The following HTT variants were observed in gnomAD, a reference collection of about 807,000 sequenced individuals.
HTT encodes the protein huntingtin, also known as huntington disease protein.
A neutral mutation model predicts 362.3 loss-of-function variants in HTT; 104 were observed. The ratio of observed to expected loss-of-function variants is 0.29; its 90% CI spans 0.24 to 0.34. The LOEUF (loss-of-function observed/expected upper bound fraction) is 0.34, where lower values mean the gene tolerates loss of function less well. HTT is among the 10% of genes least tolerant of loss of function. The probability of loss-of-function intolerance (pLI) is 1.00; values close to 1 mark genes in which losing one functional copy is unlikely to be tolerated. For synonymous variants in HTT, 1,577 were observed against 1,548.7 expected (o/e 1.02, Z -0.43); for missense variants, 3,301 against 3,928.6 (o/e 0.84, Z 4.27).
At chr4:3,232,569 C>T (rs1578614102) in intron 60 of HTT, among the ~76,000 whole-genome samples, 1 of 152,336 alleles carries the variant, frequency 6.6e-6, no homozygotes, top group East Asian at 1.9e-4. Flanking sequence ...TATCAGGGAT[C>T]CCCAAGACTA....
At chr4:3,187,010 C>A (rs1718795625) in intron 38 of HTT, among the ~76,000 whole-genome samples, 1 of 151,636 alleles carries the variant, frequency 6.6e-6, no homozygotes, top group Non-Finnish European at 1.5e-5. Context: ...AAGCGCCCAC[C>A]ACCACGCCCG....
chr4:3,176,866 C>G (rs1159704990), intron 33 of HTT, among the ~76,000 whole-genome samples: 3 of 152,226 alleles, frequency 2.0e-5, no homozygotes, highest in Admixed American at 6.5e-5. Flanking sequence ...AGCTCCCCGT[C>G]AGGTTGGGAA....
intron 12 of HTT, 65 bp downstream of exon 12, chr4:3,127,669 A>C: frequency 8.0e-7 from 1 of 1,255,658 alleles, no homozygotes; most frequent in Non-Finnish European, 1.1e-6. Flanking sequence ...GTCTCACTCC[A>C]TAGTGCAGTG....
intron 60 of HTT, among the ~76,000 whole-genome samples, chr4:3,231,692 G>A (rs1327844020): frequency 6.6e-6 from 1 of 152,094 alleles, no homozygotes; most frequent in Non-Finnish European, 1.5e-5. Flanking sequence ...CCCTGTGTGG[G>A]CATCTCTCTT....
Position 3,082,225 on chromosome 4 carries a change from T to C in HTT, c.264-4714T>C, listed in dbSNP as rs981625090. 3.3e-5 allele frequency among the ~76,000 whole-genome samples: 5 copies of C among 152,234 alleles called. No individual in the cohort carries two copies. In the South Asian group the frequency reaches 1.0e-3, roughly 32 times the overall value. On this transcript the variant is annotated intron_variant, in intron 1 of 66. Transcript: ENST00000355072. Reference sequence around the variant, plus strand: ...GAATTTCTTTTTAAAAGAGGACTTTTGGAGATGTAAAGGCAAAGGTCTCAC... The same window carrying C: ...GAATTTCTTTTTAAAAGAGGACTTTCGGAGATGTAAAGGCAAAGGTCTCAC...
In HTT at chr4:3,204,107, A is replaced by G; in HGVS notation, c.5677A>G (p.Ile1893Val). The change falls in exon 42 of 67, where the codon ATA becomes GTA. Residue 1893 changes from isoleucine to valine, a missense_variant. Ile to Val is a conservative substitution (Grantham distance 29). Transcript: ENST00000355072. ...CAAACTTGGAATGTGCAATAGAGAA[A>G]TAGTACGAAGAGGGGCTCTCATTCT... The part of the protein sequence containing the change: ...AAKLGMCNRE[I>V]VRRGALILFC... The G allele has an allele frequency of 3.1e-6, 5 of 1,614,212 alleles. No homozygotes were observed. Among genetic ancestry groups the G allele is most frequent in the Non-Finnish European group, 4.2e-6 (5 of 1,180,020 alleles).
rs1329243461 is a variant in HTT, at chr4:3,243,601, C to T, written c.*3542C>T. ...TGTGCCTGTCACGCTCTGGTGCAGT[C>T]AAAGGAACGCCTTCCCCTCAGTTGT... On this transcript the variant is annotated 3_prime_UTR_variant, in exon 67 of 67. Coordinates refer to ENST00000355072, the MANE Select transcript of HTT (RefSeq NM_001388492.1). The T allele has an allele frequency of 3.3e-5, 5 of 152,298 alleles. No homozygotes were observed. Among genetic ancestry groups the T allele is most frequent in the African/African-American group, 1.2e-4 (5 of 41,478 alleles). 9.4% of individuals were successfully genotyped at this position (152,298 alleles called of 1,614,324 possible).
In HTT at chr4:3,208,849, G is replaced by C; in HGVS notation, c.6229G>C (p.Val2077Leu). 6.2e-7 allele frequency: 1 copy of C among 1,614,106 alleles called. No homozygotes were observed. Among genetic ancestry groups the C allele is most frequent in the South Asian group, 1.1e-5 (1 of 91,054 alleles). The change falls in exon 46 of 67, where the codon GTC (valine) becomes CTC (leucine). Residue 2077 changes from valine to leucine, a missense_variant. Val to Leu is a conservative substitution (Grantham distance 32). This residue lies in a region of HTT where 2,316 missense variants were observed against 2,658.5 expected (regional missense o/e 0.87). Transcript: ENST00000355072. The stretch of plus-strand genomic sequence containing the variant: ...AGACTCACTTAGTCCCTCTCCTCCA[G>C]TCTCTTCCCACCCGCTGGACGGGGA... ...MQDSLSPSPP[V>L]SSHPLDGDGH...
At chr4:3,217,254 G>A (rs1326848906) in intron 51 of HTT, among the ~76,000 whole-genome samples, 1 of 152,166 alleles carries the variant, frequency 6.6e-6, no homozygotes, top group Non-Finnish European at 1.5e-5. Flanking sequence ...AGGGTGTGAA[G>A]TGTCCACAGC....
At chr4:3,225,792 G>T in intron 57 of HTT, 49 bp downstream of exon 57, 2 of 1,446,726 alleles carry the variant, frequency 1.4e-6, no homozygotes, top group Non-Finnish European at 1.9e-6. Flanking sequence ...TCTGTCCTCA[G>T]ACTTTGGCGC....
At chr4:3,095,941 G>T (rs1322676522) in intron 2 of HTT, among the ~76,000 whole-genome samples, 2 of 152,200 alleles carry the variant, frequency 1.3e-5, no homozygotes, top group African/African-American at 4.8e-5. Context: ...TTTTCAGATT[G>T]AATGGAAAAG....
At chr4:3,088,749 TG>T (rs1713347877) in intron 2 of HTT, among the ~76,000 whole-genome samples, 1 of 152,158 alleles carries the variant, frequency 6.6e-6, no homozygotes. Flanking sequence ...GTTTTTTTTT[TG>T]GTGATCTGCT....
Position 3,136,287 on chromosome 4 carries a change from A to C in HTT, c.2759A>C (p.Asp920Ala). The C allele has an allele frequency of 6.2e-7, 1 of 1,611,582 alleles. No individual in the cohort carries two copies. Among genetic ancestry groups the C allele is most frequent in the Non-Finnish European group, 8.5e-7 (1 of 1,177,880 alleles). Residue 920 changes from aspartate to alanine, a missense_variant, in exon 21 of 67, where the codon GAC (aspartate) becomes GCC (alanine). By Grantham distance (126) the Asp-to-Ala change is moderately radical. Transcript: ENST00000355072. ...GTCATCCATTTGCTTGGAGATGAAG[A>C]CCCCAGGGTGCGACATGTTGCCGCA... ...NVVIHLLGDE[D>A]PRVRHVAAAS...
In HTT at chr4:3,235,636, C is replaced by T; in HGVS notation, c.8643C>T (p.Gly2881=). 6.2e-7 allele frequency: 1 copy of T among 1,613,822 alleles called. No individual in the cohort carries two copies. Among genetic ancestry groups the T allele is most frequent in the Non-Finnish European group, 8.5e-7 (1 of 1,179,970 alleles). Residue 2881 remains glycine (G), a synonymous_variant, in exon 63 of 67, where the codon GGC becomes GGT. Coordinates refer to ENST00000355072, the MANE Select transcript of HTT (RefSeq NM_001388492.1). ...TCATTTACCACTGTGCCCTCAGAGG[C>T]CTGGAGCGCCTCCTGCTCTCTGAGC... ...PSIIYHCALR[G]LERLLLSEQL... is the part of the protein sequence containing the mutation.
At chr4:3,146,977 C>G (rs1387579378) in intron 25 of HTT, 29 bp downstream of exon 25, 2 of 1,612,144 alleles carry the variant, frequency 1.2e-6, no homozygotes, top group South Asian at 2.2e-5. Context: ...AACAGGGACT[C>G]CAGGACTTGG....
chr4:3,074,894 G>T lies in HTT; in HGVS notation c.69G>T (p.Gln23His). The change falls in exon 1 of 67, where the codon CAG (glutamine) becomes CAT (histidine). Residue 23 changes from glutamine to histidine, a missense_variant. Gln to His is a conservative substitution (Grantham distance 24). This residue lies in a region of HTT where 12 missense variants were observed against 30.3 expected (regional missense o/e 0.40). Coordinates refer to ENST00000355072, the MANE Select transcript of HTT (RefSeq NM_001388492.1). ...AGTCCTTCCAGCAGCAGCAGCAGCA[G>T]CAGCAGCAGCAGCAGCAGCAGCAGC... Reference protein sequence around the residue: ...SLKSFQQQQQQQQQQQQQQQQ... With the variant: ...SLKSFQQQQQHQQQQQQQQQQ... 1.4e-6 allele frequency: 2 copies of T among 1,466,330 alleles called. No individual in the cohort carries two copies. The highest frequency in any genetic ancestry group is 1.8e-6 in the Non-Finnish European group (2 of 1,104,472). The allele number at this position is 1,466,330 out of a possible 1,614,324, so 90.8% of individuals were successfully genotyped here. A position where few individuals can be genotyped will look rare whatever the true frequency, so the allele number is the denominator to read the frequency against.
At chr4:3,236,283 G>A (rs963218712) in intron 64 of HTT, 29 bp downstream of exon 64, 17 of 1,462,928 alleles carry the variant, frequency 1.2e-5, no homozygotes, top group East Asian at 4.5e-5. Flanking sequence ...TCCCTCAGCC[G>A]TTAGCTTCCC....
chr4:3,095,875 TGG>T (rs1474361577), intron 2 of HTT, among the ~76,000 whole-genome samples: 1 of 152,230 alleles, frequency 6.6e-6, no homozygotes, highest in Non-Finnish European at 1.5e-5. Flanking sequence ...AAGAGCTTGA[TGG>T]TAGATTTCAA....
chr4:3,215,242 T>C, intron 51 of HTT, 31 bp downstream of exon 51: 1 of 1,534,924 alleles, frequency 6.5e-7, no homozygotes, highest in African/African-American at 1.4e-5. Flanking sequence ...TTTTCTTACA[T>C]GTTGTTCCTC....
Sources: allele counts gnomAD v4.1 joint callset (sites outside exome capture counted in the v4.1 genomes callset), GRCh38; gene constraint gnomAD v4.1.1; regional missense constraint gnomAD v4.1.1; transcripts MANE v1.5; gene names NCBI Gene and HGNC (gene_info 2026-07-23, HGNC 2026-07-21).